SIPA1L2: variants seen among roughly 807,000 people sequenced by gnomAD.
SIPA1L2 encodes the protein signal induced proliferation associated 1 like 2, also known as signal-induced proliferation-associated 1-like protein 2.
In SIPA1L2, 56 loss-of-function variants were observed where a neutral mutation model predicts 163.9. That is an observed-to-expected ratio of 0.34 (90% CI 0.28 to 0.43). The LOEUF (loss-of-function observed/expected upper bound fraction) is 0.43. Among genes scored for constraint, SIPA1L2 ranks in the 20% least tolerant of loss-of-function variants. The probability of loss-of-function intolerance (pLI) is 1.00; values close to 1 mark genes in which losing one functional copy is unlikely to be tolerated. For synonymous variants in SIPA1L2, 877 were observed against 865.7 expected, an observed-to-expected ratio of 1.01 and a Z score of -0.23; for missense variants, 1,974 against 2,193.5, an observed-to-expected ratio of 0.90 and a Z score of 2.00.
chr1:232,506,033 G>A (rs1041840624), intron 3 of SIPA1L2, among the ~76,000 whole-genome samples: 3 of 152,126 alleles, frequency 2.0e-5, no homozygotes, highest in Non-Finnish European at 2.9e-5. Context: ...AAAGGTGTAG[G>A]CCCGCCTACA....
chr1:232,574,594 G>A (rs1044956833), intron 1 of SIPA1L2, among the ~76,000 whole-genome samples: 1 of 152,024 alleles, frequency 6.6e-6, no homozygotes, highest in South Asian at 2.1e-4. Context: ...ATATAAAGGG[G>A]TTATTACCAT....
At chr1:232,445,441 G>A in intron 11 of SIPA1L2, 88 bp downstream of exon 11, 1 of 1,568,906 alleles carries the variant, frequency 6.4e-7, no homozygotes, top group Non-Finnish European at 8.7e-7. Context: ...TAACTCAGAA[G>A]TGATTAAGCA....
Position 232,439,153 on chromosome 1 carries a change from G to C in SIPA1L2, c.3986C>G (p.Ala1329Gly), listed in dbSNP as rs769038541. Reference protein sequence around the residue: ...YASTISAGSAAEGSMGDLSEI... With the variant: ...YASTISAGSAGEGSMGDLSEI... ...ACTGAGATCGCCCATGCTGCCTTCCGCAGCACTGCCGGCGGAGATGGTGGA... is the reference window on the plus strand; with the variant it reads ...ACTGAGATCGCCCATGCTGCCTTCCCCAGCACTGCCGGCGGAGATGGTGGA... Residue 1329 changes from alanine (A) to glycine (G), a missense_variant, in exon 15 of 23, where the codon GCG (alanine) becomes GGG (glycine). Ala to Gly is a moderately conservative substitution (Grantham distance 60, BLOSUM62 0). Around this residue, in one of 3 missense-constraint regions of SIPA1L2, gnomAD observed 1,079 missense variants for 1,150.7 expected, o/e 0.94. Coordinates refer to ENST00000674635, the MANE Select transcript of SIPA1L2 (RefSeq NM_020808.5). 6.2e-7 allele frequency: 1 copy of C among 1,612,860 alleles called. No homozygotes were observed. Among genetic ancestry groups the C allele is most frequent in the African/African-American group, 1.3e-5 (1 of 74,936 alleles).
chr1:232,437,452 G>GT (rs1662631157), intron 15 of SIPA1L2, among the ~76,000 whole-genome samples: 2 of 152,136 alleles, frequency 1.3e-5, no homozygotes, highest in African/African-American at 2.4e-5. Flanking sequence ...AATAGAACTG[G>GT]TAAAAAAAGT....
rs1440814759 is a variant in SIPA1L2 at position 232,432,359 on chromosome 1, A to G, written c.4144T>C (p.Ser1382Pro). Residue 1382 changes from serine (S) to proline (P), a missense_variant, in exon 16 of 23, where the codon TCC (serine) becomes CCC (proline). Coordinates refer to ENST00000674635, the MANE Select transcript of SIPA1L2 (RefSeq NM_020808.5). ...TGTCTGTGGTAGGGCTTGGACATGG[A>G]CCCGGGAACCTGTTGTCCGCTGCTG... The part of the protein sequence containing the change: ...SHSSGQQVPG[S>P]MSKPYHRQGA... 6.2e-7 allele frequency: 1 copy of G among 1,614,152 alleles called. No individual in the cohort carries two copies. The highest frequency in any genetic ancestry group is 1.7e-5 in the Admixed American group (1 of 60,012).
At chr1:232,569,596 C>T (rs113173354) in intron 2 of SIPA1L2, among the ~76,000 whole-genome samples, 3 of 152,136 alleles carry the variant, frequency 2.0e-5, no homozygotes, top group Non-Finnish European at 2.9e-5. Flanking sequence ...GCGAATCACC[C>T]GAGGTGAGGA....
intron 15 of SIPA1L2, 38 bp from the exon 16 acceptor site, chr1:232,432,509 G>A (rs375542404): frequency 6.9e-5 from 109 of 1,571,882 alleles, no homozygotes; most frequent in Non-Finnish European, 8.7e-5. Context: ...AATACAATCT[G>A]ATTTCAGCAG....
At chr1:232,518,650 T>C (rs1667318554) in intron 2 of SIPA1L2, among the ~76,000 whole-genome samples, 1 of 152,102 alleles carries the variant, frequency 6.6e-6, no homozygotes, top group East Asian at 1.9e-4. Context: ...CCATTCATGA[T>C]CATCTCTCTC....
chr1:232,441,846 C>A lies in SIPA1L2; in HGVS notation c.3460G>T (p.Glu1154Ter). ...YDGCQSPLLL[E>*]HQGSGPLECD... ...TCCAAAGGGCCTGAGCCCTGGTGTT[C>A]GAGCAGTAGAGGGGACTGGCACCTG... is the stretch of plus-strand genomic sequence containing the variant. Residue 1154 changes from glutamate (E) to a stop codon, truncating the protein, a stop_gained, in exon 13 of 23, where the codon GAA becomes TAA. Transcript: ENST00000674635. LOFTEE classifies it high-confidence loss of function. 6.2e-7 allele frequency: 1 copy of A among 1,613,010 alleles called. No homozygotes were observed.
chr1:232,555,883 A>C (rs1658674064), intron 2 of SIPA1L2, among the ~76,000 whole-genome samples: 1 of 152,232 alleles, frequency 6.6e-6, no homozygotes, highest in African/African-American at 2.4e-5. Context: ...TTAGCTCACA[A>C]GGGTATTAAC....
intron 2 of SIPA1L2, among the ~76,000 whole-genome samples, chr1:232,544,965 A>T (rs1049307482): frequency 1.3e-5 from 2 of 152,178 alleles, no homozygotes; most frequent in African/African-American, 4.8e-5. Context: ...GGAATTATAC[A>T]CCTGTAAACG....
chr1:232,586,133 T>C (rs979671015), intron 1 of SIPA1L2, among the ~76,000 whole-genome samples: 1 of 152,170 alleles, frequency 6.6e-6, no homozygotes, highest in Non-Finnish European at 1.5e-5. Flanking sequence ...CTTGAGACCC[T>C]GTTTGTTAGC....
chr1:232,517,162 T>C (rs2182430), intron 2 of SIPA1L2, among the ~76,000 whole-genome samples: 132,353 of 152,192 alleles, frequency 0.87, 58,293 homozygotes, highest in Middle Eastern at 0.95. Flanking sequence ...CATTAACAAA[T>C]GCATCCACGA....
At chr1:232,597,415 C>A (rs540992654) in intron 1 of SIPA1L2, among the ~76,000 whole-genome samples, 2 of 151,758 alleles carry the variant, frequency 1.3e-5, no homozygotes, top group South Asian at 2.1e-4. Flanking sequence ...CGGTGGCTCA[C>A]ACCTGTAATC....
intron 9 of SIPA1L2, among the ~76,000 whole-genome samples, chr1:232,462,641 G>A (rs1306738268): frequency 1.3e-5 from 2 of 152,222 alleles, no homozygotes; most frequent in African/African-American, 4.8e-5. Context: ...TGAAGAAGTA[G>A]TTCTGTAATA....
chr1:232,541,306 T>C (rs888522418), intron 2 of SIPA1L2, among the ~76,000 whole-genome samples: 2 of 126,538 alleles, frequency 1.6e-5, no homozygotes, highest in African/African-American at 2.7e-5. Flanking sequence ...CATAACAGAA[T>C]ATATCTTCTG....
chr1:232,435,047 G>C (rs1662472658), intron 15 of SIPA1L2, among the ~76,000 whole-genome samples: 1 of 152,098 alleles, frequency 6.6e-6, no homozygotes. Flanking sequence ...GAAGGACTGT[G>C]CACTGCCTTC....
intron 3 of SIPA1L2, among the ~76,000 whole-genome samples, chr1:232,504,360 G>A (rs759760194): frequency 2.0e-5 from 3 of 151,868 alleles, no homozygotes; most frequent in Non-Finnish European, 4.4e-5. Flanking sequence ...CCAACATGGC[G>A]AACCCCATCT....
intron 18 of SIPA1L2, among the ~76,000 whole-genome samples, chr1:232,423,695 G>A (rs1437022409): frequency 3.3e-5 from 5 of 152,188 alleles, no homozygotes; most frequent in Non-Finnish European, 5.9e-5. Flanking sequence ...AGTATAACTT[G>A]ACTGTTTCCT....
Sources: gnomAD v4.1 joint callset for allele counts (sites outside exome capture counted in the v4.1 genomes callset) on GRCh38, gnomAD v4.1.1 for gene constraint, gnomAD v4.1.1 regional missense constraint, MANE v1.5 for transcripts, NCBI Gene and HGNC (gene_info 2026-07-23, HGNC 2026-07-21) for gene names.